The following ASIC2 variants were observed in gnomAD, a reference collection of about 807,000 sequenced individuals.
ASIC2 encodes the protein acid sensing ion channel subunit 2, also known as acid-sensing ion channel 2.
A neutral mutation model predicts 57.3 loss-of-function variants in ASIC2; 25 were observed. The observed-to-expected ratio is 0.44, with a 90% CI of 0.32 to 0.61. The LOEUF (loss-of-function observed/expected upper bound fraction) is 0.61, where lower values mean the gene tolerates loss of function less well. Among genes scored for constraint, ASIC2 ranks in the 20% least tolerant of loss-of-function variants. The pLI is 0.06. For missense variants in ASIC2, 641 were observed against 738.1 expected (o/e 0.87, Z 1.52); for synonymous variants, 319 against 307.5 (o/e 1.04, Z -0.39).
At chr17:33,221,195 G>T (rs1907679382) in intron 1 of ASIC2, among the ~76,000 whole-genome samples, 1 of 152,152 alleles carries the variant, frequency 6.6e-6, no homozygotes, top group African/African-American at 2.4e-5. Context: ...AAATCCAAAT[G>T]AGATCTGGGC....
intron 1 of ASIC2, among the ~76,000 whole-genome samples, chr17:33,112,414 T>C (rs1439722855): frequency 6.6e-6 from 1 of 152,102 alleles, no homozygotes; most frequent in Admixed American, 6.5e-5. Flanking sequence ...AGCCCTGGGC[T>C]CTCTTCTGGC....
intron 1 of ASIC2, chr17:34,037,778 C>T: frequency 6.2e-7 from 1 of 1,614,196 alleles, no homozygotes. Flanking sequence ...GTAGGCCAAG[C>T]ATCGTCGAAT....
At chr17:33,415,661 A>G (rs1910817928) in intron 1 of ASIC2, among the ~76,000 whole-genome samples, 1 of 152,250 alleles carries the variant, frequency 6.6e-6, no homozygotes, top group South Asian at 2.1e-4. Context: ...GGAGCTAAAC[A>G]CAAGATGGGG....
intron 1 of ASIC2, among the ~76,000 whole-genome samples, chr17:33,914,817 C>T (rs1432287915): frequency 6.6e-6 from 1 of 152,190 alleles, no homozygotes. Context: ...GTTTTCTGAG[C>T]TGTCTGGCTC....
chr17:33,166,181 CT>C (rs1435755685), intron 1 of ASIC2, among the ~76,000 whole-genome samples: 4 of 152,164 alleles, frequency 2.6e-5, no homozygotes, highest in Admixed American at 2.6e-4. Context: ...TTGCTCTAAT[CT>C]TTTATTTCTT....
chr17:34,155,891 C>G, intron 1 of ASIC2: 1 of 1,466,322 alleles, frequency 6.8e-7, no homozygotes, highest in East Asian at 2.3e-5. Flanking sequence ...TCCCAAAGCA[C>G]AAGGAAACCC....
At chr17:33,957,792 C>T (rs1904783757) in intron 1 of ASIC2, among the ~76,000 whole-genome samples, 1 of 152,184 alleles carries the variant, frequency 6.6e-6, no homozygotes, top group Non-Finnish European at 1.5e-5. Context: ...ATCATGCCTT[C>T]CCAACAGTCC....
At chr17:33,776,189 T>G (rs1911272112) in intron 1 of ASIC2, among the ~76,000 whole-genome samples, 1 of 151,114 alleles carries the variant, frequency 6.6e-6, no homozygotes, top group Non-Finnish European at 1.5e-5. Context: ...TAAATTCATA[T>G]GTTGAAATCC....
intron 1 of ASIC2, chr17:33,569,496 G>A (rs1049415201): frequency 2.6e-5 from 4 of 152,370 alleles, no homozygotes; most frequent in African/African-American, 7.2e-5. Flanking sequence ...TGGGCCCACA[G>A]GGAGTGAGGC....
chr17:33,864,085 T>C (rs1016266903), intron 1 of ASIC2, among the ~76,000 whole-genome samples: 8 of 139,644 alleles, frequency 5.7e-5, no homozygotes, highest in African/African-American at 5.3e-5. Context: ...GTATTTTTAG[T>C]AGAGACTGAG....
chr17:33,186,422 C>G (rs1337399501), intron 1 of ASIC2, among the ~76,000 whole-genome samples: 1 of 152,092 alleles, frequency 6.6e-6, no homozygotes, highest in Non-Finnish European at 1.5e-5. Flanking sequence ...TATACATCAT[C>G]TTAATGGGCA....
chr17:33,654,112 T>C (rs955990906), intron 1 of ASIC2, among the ~76,000 whole-genome samples: 1 of 152,196 alleles, frequency 6.6e-6, no homozygotes, highest in African/African-American at 2.4e-5. Context: ...TCAATATTTG[T>C]CTCATAGAGG....
intron 1 of ASIC2, among the ~76,000 whole-genome samples, chr17:33,825,173 G>A (rs1912869205): frequency 6.6e-6 from 1 of 152,072 alleles, no homozygotes; most frequent in Non-Finnish European, 1.5e-5. Context: ...TGCATACCTT[G>A]CCTCCTTCCC....
In ASIC2 at chr17:34,108,137, C is replaced by A. The variant is rs186745969; in HGVS notation, c.555+47841G>T. Among the ~76,000 whole-genome samples, 71 of 152,204 alleles carry A rather than the reference C, an allele frequency of 4.7e-4. 1 individual carries two copies. The East Asian group carries it at 0.013, about 28-fold the overall frequency. ...TCATTTTGTATCAGTTCACAAGGATCTTCCTTACTTATTTTCAACAACTAC... is the reference window on the plus strand; with the variant it reads ...TCATTTTGTATCAGTTCACAAGGATATTCCTTACTTATTTTCAACAACTAC... On this transcript the variant is annotated intron_variant, in intron 1 of 9. Coordinates refer to the ASIC2 transcript ENST00000359872.
At chr17:33,312,768 C>G (rs1906484909) in intron 1 of ASIC2, among the ~76,000 whole-genome samples, 1 of 152,158 alleles carries the variant, frequency 6.6e-6, no homozygotes, top group Non-Finnish European at 1.5e-5. Context: ...AACCCTGTCT[C>G]TACTAAAAAA....
chr17:33,083,437 G>A (rs1051554652), intron 3 of ASIC2, among the ~76,000 whole-genome samples: 7 of 152,196 alleles, frequency 4.6e-5, no homozygotes, highest in Non-Finnish European at 7.3e-5. Context: ...GCCAGGTCTC[G>A]CTTATCTTAA....
chr17:33,938,429 G>A (rs933871988), intron 1 of ASIC2, among the ~76,000 whole-genome samples: 2 of 152,136 alleles, frequency 1.3e-5, no homozygotes, highest in Non-Finnish European at 1.5e-5. Context: ...ACCCTTACCA[G>A]CTCCTACTAG....
chr17:33,964,958 G>C (rs1158453542), intron 1 of ASIC2, among the ~76,000 whole-genome samples: 1 of 152,168 alleles, frequency 6.6e-6, no homozygotes, highest in Non-Finnish European at 1.5e-5. Flanking sequence ...ACAGGACAAA[G>C]TGCTCACGGA....
intron 1 of ASIC2, among the ~76,000 whole-genome samples, chr17:33,617,894 T>C (rs142480433): frequency 6.6e-6 from 1 of 152,318 alleles, no homozygotes; most frequent in African/African-American, 2.4e-5. Context: ...ACAAGATTAA[T>C]TGCAAAGGCT....
Sources: allele counts gnomAD v4.1 joint callset (sites outside exome capture counted in the v4.1 genomes callset), GRCh38; gene constraint gnomAD v4.1.1; transcripts MANE v1.5; gene names NCBI Gene and HGNC (gene_info 2026-07-23, HGNC 2026-07-21).